The following SIN3B variants were observed in gnomAD, a reference collection of about 807,000 sequenced individuals.
The protein encoded by SIN3B is SIN3 transcription regulator family member B.
In SIN3B, 19 loss-of-function variants were observed where a neutral mutation model predicts 120.2. The observed-to-expected ratio is 0.16, with a 90% CI of 0.11 to 0.23. The LOEUF (loss-of-function observed/expected upper bound fraction) is 0.23. Ranked by LOEUF, SIN3B falls within the 10% of genes least tolerant of loss-of-function variation. The pLI is 1.00. For synonymous variants in SIN3B, 654 were observed against 653.2 expected (o/e 1.00, Z -0.02); for missense variants, 1,073 against 1,573.0 (o/e 0.68, Z 5.38).
In SIN3B at chr19:16,868,952, G is replaced by T. The variant is rs1971816931; in HGVS notation, c.1807-508G>T. 2.6e-5 allele frequency among the ~76,000 whole-genome samples: 4 copies of T among 152,190 alleles called. No individual in the cohort carries two copies. In the South Asian group the frequency reaches 8.3e-4, roughly 31 times the overall value. On this transcript the variant is annotated intron_variant, in intron 12 of 18. Transcript: ENST00000248054. ...CCTTCCGGGTAGTAGATGGAGGGCA[G>T]AGGCAGAGAGGTCACGGCTCACCCT...
intron 2 of SIN3B, 23 bp downstream of exon 2, chr19:16,829,920 C>T (rs533007278): frequency 1.3e-6 from 2 of 1,540,518 alleles, no homozygotes; most frequent in East Asian, 4.5e-5. Context: ...CCCCTCTCCA[C>T]CTCAGGGGAC....
chr19:16,840,614 G>C lies in SIN3B; in HGVS notation c.382-1154G>C, dbSNP rs1599591380. ...GGTAGTGGTGTGCCTGGCCTTGCCT[G>C]TTGCAGTAGATTTTCAGGGTCAGCG... On this transcript the variant is annotated intron_variant, in intron 3 of 18. Coordinates refer to ENST00000248054, the MANE Select transcript of SIN3B (RefSeq NM_001297595.2). 5.3e-5 allele frequency among the ~76,000 whole-genome samples: 8 copies of C among 152,324 alleles called. No individual in the cohort carries two copies. In the South Asian group the frequency reaches 1.7e-3, roughly 32 times the overall value.
chr19:16,833,746 A>G (rs1258319574), intron 3 of SIN3B, among the ~76,000 whole-genome samples: 5 of 150,914 alleles, frequency 3.3e-5, no homozygotes, highest in African/African-American at 1.2e-4. Flanking sequence ...TTTTTTGAGA[A>G]GGAGTCTCGC....
chr19:16,868,546 A>G (rs1236995754), intron 12 of SIN3B, among the ~76,000 whole-genome samples: 1 of 152,150 alleles, frequency 6.6e-6, no homozygotes, highest in Non-Finnish European at 1.5e-5. Context: ...GATCTAGATA[A>G]AGACCAAGGG....
intron 4 of SIN3B, among the ~76,000 whole-genome samples, chr19:16,842,814 G>A (rs982926721): frequency 2.0e-5 from 3 of 152,170 alleles, no homozygotes; most frequent in Non-Finnish European, 2.9e-5. Context: ...TTCCCAACCC[G>A]TCCGGGGCCA....
intron 18 of SIN3B, 22 bp downstream of exon 18, chr19:16,878,412 G>A: frequency 1.9e-6 from 3 of 1,599,828 alleles, no homozygotes; most frequent in Non-Finnish European, 2.6e-6. Flanking sequence ...GGCCTGGGCT[G>A]CCCCGACATG....
chr19:16,860,183 G>A (rs1160806392), intron 8 of SIN3B, among the ~76,000 whole-genome samples: 1 of 152,194 alleles, frequency 6.6e-6, no homozygotes, highest in African/African-American at 2.4e-5. Context: ...TTGACACGAG[G>A]CCTGGTTGGG....
Sources: gnomAD v4.1 joint callset for allele counts (sites outside exome capture counted in the v4.1 genomes callset) on GRCh38, gnomAD v4.1.1 for gene constraint, MANE v1.5 for transcripts, NCBI Gene and HGNC (gene_info 2026-07-23, HGNC 2026-07-21) for gene names.